The following TFDP1 variants were observed in gnomAD, a reference collection of about 807,000 sequenced individuals.
TFDP1 encodes the protein transcription factor Dp-1, also known as DRTF1-polypeptide 1.
Under a neutral mutation model 48.0 loss-of-function variants are expected in TFDP1, and 6 were observed. The ratio of observed to expected loss-of-function variants is 0.13; its 90% CI spans 0.07 to 0.25. The LOEUF (loss-of-function observed/expected upper bound fraction) is 0.25. Among genes scored for constraint, TFDP1 ranks in the 10% least tolerant of loss-of-function variants. The pLI is 1.00. For missense variants in TFDP1, 335 were observed against 543.0 expected (o/e 0.62, Z 3.81); for synonymous variants, 201 against 211.6 (o/e 0.95, Z 0.44).
At chr13:113,624,888 C>T (rs1233641716) in intron 4 of TFDP1, among the ~76,000 whole-genome samples, 2 of 137,036 alleles carry the variant, frequency 1.5e-5, no homozygotes, top group African/African-American at 5.6e-5. Flanking sequence ...AGGTGTCTCT[C>T]ACGTGTCCTC....
chr13:113,585,581 G>A (rs1268754876), intron 1 of TFDP1, 193 bp from the exon 2 acceptor site: 6 of 399,194 alleles, frequency 1.5e-5, no homozygotes, highest in South Asian at 1.2e-4. Flanking sequence ...TTTCCGCAGG[G>A]GGCATTTCCG....
rs1875086278 is a variant in TFDP1 at position 113,611,117 on chromosome 13, CAT to C, written c.79+56_79+57del. ...GTGTTGATGAATGCATGAAGCTTCA[CAT>C]GTTTATGAAGCTGTTGACGCTGAAG... On this transcript the variant is annotated intron_variant, in intron 3 of 11. Transcript: ENST00000375370. 16 of 1,470,466 alleles carry C rather than the reference CAT, an allele frequency of 1.1e-5. No individual in the cohort carries two copies. The East Asian group carries it at 2.3e-4, about 21-fold the overall frequency. The allele number at this position is 1,470,466 out of a possible 1,614,324, so 91.1% of individuals were successfully genotyped here.
chr13:113,608,403 G>C (rs1236495635), intron 2 of TFDP1, among the ~76,000 whole-genome samples: 1 of 152,224 alleles, frequency 6.6e-6, no homozygotes, highest in Non-Finnish European at 1.5e-5. Context: ...ACACCATACA[G>C]GGGAACTGGG....
chr13:113,624,453 C>T (rs144418723), intron 4 of TFDP1, among the ~76,000 whole-genome samples: 1 of 151,070 alleles, frequency 6.6e-6, no homozygotes, highest in East Asian at 2.0e-4. Flanking sequence ...GTATCTCTCA[C>T]ATGTCCCCAC....
chr13:113,613,982 T>C (rs2048785857), intron 3 of TFDP1, among the ~76,000 whole-genome samples: 1 of 151,312 alleles, frequency 6.6e-6, no homozygotes, highest in Non-Finnish European at 1.5e-5. Context: ...AGTGCATGTG[T>C]TGTGAGTGTG....
At chr13:113,637,620 A>C in intron 10 of TFDP1, 198 bp from the exon 11 acceptor site, 1 of 1,533,412 alleles carries the variant, frequency 6.5e-7, no homozygotes, top group South Asian at 1.2e-5. Context: ...GCCTTTTTAG[A>C]GAAGACAGGC....
rs767366406 is a variant in TFDP1, at chr13:113,636,000, G to T, written c.711G>T (p.Val237=). 6.2e-7 allele frequency: 1 copy of T among 1,614,088 alleles called. No homozygotes were observed. The highest frequency in any genetic ancestry group is 8.5e-7 in the Non-Finnish European group (1 of 1,179,996). The change falls in exon 9 of 12, where the codon GTG becomes GTT. Residue 237 remains valine (V), a synonymous_variant. Coordinates refer to ENST00000375370, the MANE Select transcript of TFDP1 (RefSeq NM_007111.5). ...AGCAAATTGCCTTCAAGAACCTGGT[G>T]CAGAGAAACCGGCATGCGGAGCAGC... ...ILQQIAFKNL[V]QRNRHAEQQA...
chr13:113,623,359 G>C lies in TFDP1; in HGVS notation c.186+73G>C. 7.0e-7 allele frequency: 1 copy of C among 1,419,846 alleles called. No individual in the cohort carries two copies. The highest frequency in any genetic ancestry group is 9.6e-7 in the Non-Finnish European group (1 of 1,036,534). The allele number at this position is 1,419,846 out of a possible 1,614,324, so 88.0% of individuals were successfully genotyped here. On this transcript the variant is annotated intron_variant, in intron 4 of 11. Transcript: ENST00000375370. The surrounding 1 kb of genome is among the most constrained non-coding windows in gnomAD (Gnocchi z 5.2). ...GGATCGGATGAGCCGTGTGGTTGGG[G>C]ATGTTCCCAGGTGTGCCTGGATTTG...
intron 2 of TFDP1, among the ~76,000 whole-genome samples, chr13:113,597,571 G>A (rs961659988): frequency 2.0e-5 from 3 of 152,230 alleles, no homozygotes; most frequent in Non-Finnish European, 2.9e-5. Context: ...CCTGTCCCAC[G>A]TGGGCGGCCA....
At chr13:113,594,253 G>C (rs1217117409) in intron 2 of TFDP1, among the ~76,000 whole-genome samples, 3 of 149,880 alleles carry the variant, frequency 2.0e-5, no homozygotes, top group African/African-American at 7.4e-5. Flanking sequence ...CAGGTGACAG[G>C]TGTGGTGTAC....
At chr13:113,622,018 C>T (rs1024204972) in intron 3 of TFDP1, among the ~76,000 whole-genome samples, 18 of 152,204 alleles carry the variant, frequency 1.2e-4, no homozygotes, top group Non-Finnish European at 2.1e-4. Context: ...GAAATAATGG[C>T]GTAAGCTGTC....
intron 2 of TFDP1, among the ~76,000 whole-genome samples, chr13:113,596,677 C>CT (rs1379694079): frequency 9.9e-5 from 15 of 152,188 alleles, no homozygotes; most frequent in Non-Finnish European, 2.9e-5. Flanking sequence ...GACTTAACCT[C>CT]TTTTTTCTCT....
At chr13:113,606,147 C>T (rs1265723765) in intron 2 of TFDP1, among the ~76,000 whole-genome samples, 10 of 141,862 alleles carry the variant, frequency 7.0e-5, no homozygotes, top group South Asian at 2.3e-4. Flanking sequence ...TGTGGGAAGG[C>T]GGCGCGGTGA....
intron 4 of TFDP1, among the ~76,000 whole-genome samples, chr13:113,624,939 C>T (rs1181583419): frequency 6.9e-6 from 1 of 145,248 alleles, no homozygotes; most frequent in East Asian, 2.1e-4. Context: ...TCAGGTGTCT[C>T]TCACATGTCC....
intron 3 of TFDP1, among the ~76,000 whole-genome samples, chr13:113,614,138 TTA>T (rs1191797081): frequency 6.6e-6 from 1 of 151,240 alleles, no homozygotes; most frequent in Non-Finnish European, 1.5e-5. Flanking sequence ...GCATGGAGTG[TTA>T]TGTGCGTGTG....
At chr13:113,591,683 C>T (rs1385885675) in intron 2 of TFDP1, among the ~76,000 whole-genome samples, 1 of 152,232 alleles carries the variant, frequency 6.6e-6, no homozygotes, top group African/African-American at 2.4e-5. Context: ...TTTAGCTTGA[C>T]TTACAGTGTG....
At chr13:113,618,899 G>A (rs1297569385) in intron 3 of TFDP1, among the ~76,000 whole-genome samples, 3 of 152,224 alleles carry the variant, frequency 2.0e-5, no homozygotes, top group African/African-American at 4.8e-5. Context: ...ATATTTGTCT[G>A]TGTTTCAGAC....
In TFDP1 at chr13:113,607,213, C is replaced by T. The variant is rs955455952; in HGVS notation, c.13-3783C>T. ...AGCACTGTTGCTGCGGCTGAGACAG[C>T]GCAGGGCGTCATTCATCCCCCTGCC... On this transcript the variant is annotated intron_variant, in intron 2 of 11. Transcript: ENST00000375370. This position sits in a 1 kb window ranked among gnomAD's most constrained non-coding sequence, Gnocchi z 5.2. Among the ~76,000 whole-genome samples the T allele has an allele frequency of 2.6e-5, 4 of 152,202 alleles. No homozygotes were observed. Among genetic ancestry groups the T allele is most frequent in the Non-Finnish European group, 5.9e-5 (4 of 68,030 alleles).
In TFDP1 at chr13:113,590,908, G is replaced by T. The variant is rs927570377; in HGVS notation, c.12+5059G>T. 4.7e-5 allele frequency among the ~76,000 whole-genome samples: 7 copies of T among 149,256 alleles called. No individual in the cohort carries two copies. The Admixed American group carries it at 4.8e-4, about 10-fold the overall frequency. On this transcript the variant is annotated intron_variant, in intron 2 of 11. Coordinates refer to ENST00000375370, the MANE Select transcript of TFDP1 (RefSeq NM_007111.5). ...GCCTGTAGTCCCAGCTACTGGGGAG[G>T]CTGAGTTAGGAGAATGGCGTGAACT...
Sources: allele counts gnomAD v4.1 joint callset (sites outside exome capture counted in the v4.1 genomes callset), GRCh38; gene constraint gnomAD v4.1.1; non-coding constraint Gnocchi (gnomAD v3.1); transcripts MANE v1.5; gene names NCBI Gene and HGNC (gene_info 2026-07-23, HGNC 2026-07-21).